The following MS4A10 variants were observed in gnomAD, a reference collection of about 807,000 sequenced individuals.
The protein encoded by MS4A10 is membrane spanning 4-domains A10.
Under a neutral mutation model 27.7 loss-of-function variants are expected in MS4A10, and 27 were observed. The observed-to-expected ratio is 0.98, with a 90% CI of 0.72 to 1.35. The LOEUF (loss-of-function observed/expected upper bound fraction) is 1.35. Among genes scored for constraint, MS4A10 ranks in the 40% most tolerant of loss-of-function variants. The pLI, the probability that MS4A10 is intolerant of heterozygous loss-of-function variation, is 0.00. For synonymous variants in MS4A10, 139 were observed against 131.2 expected, an observed-to-expected ratio of 1.06 and a Z score of -0.41; for missense variants, 338 against 324.7, an observed-to-expected ratio of 1.04 and a Z score of -0.32.
In MS4A10 at chr11:60,795,648, G is replaced by C; in HGVS notation, c.586G>C (p.Asp196His). 2 of 1,584,242 alleles carry C rather than the reference G, an allele frequency of 1.3e-6. No homozygotes were observed. The highest frequency in any genetic ancestry group is 4.7e-5 in the East Asian group (2 of 42,520). Residue 196 changes from aspartate to histidine, a missense_variant, in exon 6 of 8, where the codon GAC (aspartate) becomes CAC (histidine). Coordinates refer to ENST00000308287, the MANE Select transcript of MS4A10 (RefSeq NM_206893.4). ...CACAGCTGTCACAGCCTGGAGAGGG[G>C]ACTGCCCATCTGCAAAGGTAAGACA... The part of the protein sequence containing the change: ...VPTAVTAWRG[D>H]CPSAKNDDAC...
Position 60,794,041 on chromosome 11 carries a change from A to G in MS4A10, c.430A>G (p.Lys144Glu), listed in dbSNP as rs1854479758. The change falls in exon 5 of 8, where the codon AAG (lysine) becomes GAG (glutamate). Residue 144 changes from lysine (K) to glutamate (E), a missense_variant. Transcript: ENST00000308287. Reference protein sequence around the residue: ...CVLSGLFVISKDLFLESPFES... With the variant: ...CVLSGLFVISEDLFLESPFES... ...GCTGTCTGGCCTCTTCGTCATCTCC[A>G]AGGATCTCTTTCTGGAGAGCCCATT... 6.2e-7 allele frequency: 1 copy of G among 1,614,008 alleles called. No homozygotes were observed. The highest frequency in any genetic ancestry group is 8.5e-7 in the Non-Finnish European group (1 of 1,180,020).
intron 1 of MS4A10, among the ~76,000 whole-genome samples, chr11:60,787,377 C>T (rs1854357411): frequency 6.6e-6 from 1 of 152,216 alleles, no homozygotes; most frequent in Non-Finnish European, 1.5e-5. Flanking sequence ...AATCAGAGTT[C>T]ATGCTCTTTG....
chr11:60,786,189 GCACACA>G (rs552507721), intron 1 of MS4A10, among the ~76,000 whole-genome samples: 5 of 127,252 alleles, frequency 3.9e-5, no homozygotes, highest in Admixed American at 7.6e-5. Context: ...ACACACACAC[GCACACA>G]CACACACACA....
At chr11:60,785,859 C>T (rs539526054) in intron 1 of MS4A10, among the ~76,000 whole-genome samples, 8 of 152,122 alleles carry the variant, frequency 5.3e-5, no homozygotes, top group Admixed American at 3.9e-4. Context: ...TCGAGGGCCA[C>T]GAGGGGGCAG....
At chr11:60,786,696 A>T (rs1854345795) in intron 1 of MS4A10, among the ~76,000 whole-genome samples, 1 of 152,130 alleles carries the variant, frequency 6.6e-6, no homozygotes, top group Non-Finnish European at 1.5e-5. Flanking sequence ...ACCATGTCTT[A>T]ACCGAGAACC....
intron 1 of MS4A10, among the ~76,000 whole-genome samples, chr11:60,786,178 C>CAT (rs1854333286): frequency 7.2e-6 from 1 of 138,470 alleles, no homozygotes; most frequent in Admixed American, 7.3e-5. Flanking sequence ...CACATGCACA[C>CAT]ACACACACAC....
intron 1 of MS4A10, 105 bp from the exon 2 acceptor site, chr11:60,790,209 C>A: frequency 1.0e-6 from 1 of 967,976 alleles, no homozygotes; most frequent in Non-Finnish European, 1.6e-6. Flanking sequence ...AACCACAGTT[C>A]TGGAAAGATC....
At chr11:60,799,401 C>T (rs1854592748) in intron 7 of MS4A10, among the ~76,000 whole-genome samples, 1 of 152,144 alleles carries the variant, frequency 6.6e-6, no homozygotes, top group African/African-American at 2.4e-5. Context: ...TTTTTCCACA[C>T]TGATTCTTTT....
At position 60,801,174 on chromosome 11, in the gene MS4A10, G is replaced by A. The variant is rs1263074002; in HGVS notation, c.*1265G>A. ...TCTAAAGACATGGGTGCAAACTCTA[G>A]GCTAGCTCTGCCAATCACTTACTGT... On this transcript the variant is annotated 3_prime_UTR_variant, in exon 8 of 8. Coordinates refer to ENST00000308287, the MANE Select transcript of MS4A10 (RefSeq NM_206893.4). 2.6e-5 allele frequency: 4 copies of A among 152,228 alleles called. No homozygotes were observed. Among genetic ancestry groups the A allele is most frequent in the African/African-American group, 7.2e-5 (3 of 41,446 alleles). The allele number at this position is 152,228 out of a possible 1,614,324, so 9.4% of individuals were successfully genotyped here.
Position 60,790,959 on chromosome 11 carries a change from C to T in MS4A10, c.184-15C>T. ...CCGATGCCCTCACCCCAGCCATTCTCTCTTCCCCACCCAGGCCTTCCACAT... is the reference window on the plus strand; with the variant it reads ...CCGATGCCCTCACCCCAGCCATTCTTTCTTCCCCACCCAGGCCTTCCACAT... On this transcript the variant is annotated splice_polypyrimidine_tract_variant and intron_variant, in intron 2 of 7. Transcript: ENST00000308287. The T allele has an allele frequency of 6.2e-7, 1 of 1,613,846 alleles. No homozygotes were observed. The highest frequency in any genetic ancestry group is 1.3e-5 in the African/African-American group (1 of 75,042).
rs763110269 is a variant in MS4A10, at chr11:60,792,291, A to G, written c.330A>G (p.Ile110Met). ...TTCTCATTTCAGGGATCTTGGCGAT[A>G]ACAATGAAGACCTTTTCTAAAACTT... ...ASFLISGILA[I>M]TMKTFSKTYL... Residue 110 changes from isoleucine to methionine, a missense_variant, in exon 4 of 8, where the codon ATA becomes ATG. Coordinates refer to ENST00000308287, the MANE Select transcript of MS4A10 (RefSeq NM_206893.4). The G allele has an allele frequency of 2.5e-6, 4 of 1,613,590 alleles. No individual in the cohort carries two copies. The highest frequency in any genetic ancestry group is 3.4e-6 in the Non-Finnish European group (4 of 1,179,530).
chr11:60,786,030 C>G (rs1590994160), intron 1 of MS4A10, among the ~76,000 whole-genome samples: 1 of 152,080 alleles, frequency 6.6e-6, no homozygotes, highest in Non-Finnish European at 1.5e-5. Context: ...TTCTAACTGG[C>G]ATTCACTGAA....
intron 2 of MS4A10, among the ~76,000 whole-genome samples, 179 bp downstream of exon 2, chr11:60,790,697 T>C (rs1355286107): frequency 1.3e-5 from 2 of 152,218 alleles, no homozygotes; most frequent in East Asian, 3.9e-4. Flanking sequence ...CCACACCTAC[T>C]ACTGCCTTGT....
chr11:60,789,244 T>A (rs1025017965), intron 1 of MS4A10, among the ~76,000 whole-genome samples: 1 of 152,214 alleles, frequency 6.6e-6, no homozygotes, highest in Non-Finnish European at 1.5e-5. Flanking sequence ...GCAGCCTCTC[T>A]CTCTCAAGGA....
Position 60,790,530 on chromosome 11 carries a change from C to T in MS4A10, c.183+12C>T, listed in dbSNP as rs752957666. ...TTAAGGAGCTGGGGGTGAGCATCCACTTCCCAGGGTCCCAGCAGTGGGAGG... is the reference window on the plus strand; with the variant it reads ...TTAAGGAGCTGGGGGTGAGCATCCATTTCCCAGGGTCCCAGCAGTGGGAGG... On this transcript the variant is annotated intron_variant, in intron 2 of 7. Coordinates refer to ENST00000308287, the MANE Select transcript of MS4A10 (RefSeq NM_206893.4). 9 of 1,613,822 alleles carry T rather than the reference C, an allele frequency of 5.6e-6. No homozygotes were observed. Among genetic ancestry groups the T allele is most frequent in the Admixed American group, 5.0e-5 (3 of 60,012 alleles).
At position 60,795,629 on chromosome 11, in the gene MS4A10, T is replaced by C; in HGVS notation, c.567T>C (p.Ala189=). ...AGCTCTTCCTGCCAGTGCCCACAGCTGTCACAGCCTGGAGAGGGGACTGCC... is the reference window on the plus strand; with the variant it reads ...AGCTCTTCCTGCCAGTGCCCACAGCCGTCACAGCCTGGAGAGGGGACTGCC... The part of the protein sequence containing the change: ...VLELFLPVPT[A]VTAWRGDCPS... Residue 189 remains alanine (A), a synonymous_variant, in exon 6 of 8, where the codon GCT becomes GCC. Coordinates refer to ENST00000308287, the MANE Select transcript of MS4A10 (RefSeq NM_206893.4). 6.3e-7 allele frequency: 1 copy of C among 1,593,524 alleles called. No individual in the cohort carries two copies. Among genetic ancestry groups the C allele is most frequent in the Non-Finnish European group, 8.5e-7 (1 of 1,169,870 alleles).
At chr11:60,799,269 C>T (rs1283517017) in intron 7 of MS4A10, among the ~76,000 whole-genome samples, 1 of 152,204 alleles carries the variant, frequency 6.6e-6, no homozygotes, top group Non-Finnish European at 1.5e-5. Context: ...TTCAAACCTA[C>T]TTGTGCTAAG....
intron 7 of MS4A10, among the ~76,000 whole-genome samples, chr11:60,799,342 T>C (rs1854590804): frequency 6.6e-6 from 1 of 152,218 alleles, no homozygotes; most frequent in African/African-American, 2.4e-5. Flanking sequence ...ATCTGAGGAA[T>C]AGTCTTCAGG....
chr11:60,795,764 G>A (rs1473250634), intron 6 of MS4A10, 99 bp downstream of exon 6: 14 of 673,290 alleles, frequency 2.1e-5, no homozygotes, highest in African/African-American at 9.4e-5. Context: ...CAAGAGGAGC[G>A]TGTTTCATTC....
Sources: gnomAD v4.1 joint callset for allele counts (sites outside exome capture counted in the v4.1 genomes callset) on GRCh38, gnomAD v4.1.1 for gene constraint, MANE v1.5 for transcripts, NCBI Gene and HGNC (gene_info 2026-07-23, HGNC 2026-07-21) for gene names.